The following GARRE1 variants were observed in gnomAD, a reference collection of about 807,000 sequenced individuals.
The protein encoded by GARRE1 is granule associated Rac and RHOG effector 1, also known as granule associated Rac and RHOG effector protein 1.
A neutral mutation model predicts 103.2 loss-of-function variants in GARRE1; 49 were observed. The observed-to-expected ratio is 0.47, with a 90% CI of 0.38 to 0.60. The LOEUF (loss-of-function observed/expected upper bound fraction) is 0.60. Among genes scored for constraint, GARRE1 ranks in the 20% least tolerant of loss-of-function variants. The probability of loss-of-function intolerance (pLI) is 0.00; values close to 1 mark genes in which losing one functional copy is unlikely to be tolerated. For synonymous variants in GARRE1, 505 were observed against 532.8 expected (o/e 0.95, Z 0.72); for missense variants, 1,199 against 1,370.5 (o/e 0.87, Z 1.98).
At chr19:34,326,266 C>T (rs1001287378) in intron 3 of GARRE1, among the ~76,000 whole-genome samples, 1 of 152,208 alleles carries the variant, frequency 6.6e-6, no homozygotes, top group African/African-American at 2.4e-5. Flanking sequence ...AGTCATTTTC[C>T]TGTAGTCTGC....
At chr19:34,260,460 CCTGATAATTTT>C (rs2073710435) in intron 1 of GARRE1, among the ~76,000 whole-genome samples, 1 of 152,116 alleles carries the variant, frequency 6.6e-6, no homozygotes, top group African/African-American at 2.4e-5. Context: ...AATATCTTTT[CCTGATAATTTT>C]GGCTATATAC....
intron 1 of GARRE1, among the ~76,000 whole-genome samples, chr19:34,293,331 A>G (rs1012015363): frequency 5.9e-5 from 9 of 152,100 alleles, no homozygotes; most frequent in Admixed American, 6.5e-5. Flanking sequence ...AGGGAAAAAA[A>G]GGAGTAAATA....
chr19:34,332,528 C>T (rs186574840), intron 7 of GARRE1, among the ~76,000 whole-genome samples: 8 of 151,824 alleles, frequency 5.3e-5, no homozygotes, highest in Admixed American at 5.2e-4. Flanking sequence ...TTGTAGGACA[C>T]ATTTCTGTGT....
intron 2 of GARRE1, among the ~76,000 whole-genome samples, chr19:34,308,492 C>T (rs1156626115): frequency 6.6e-6 from 1 of 152,090 alleles, no homozygotes; most frequent in Non-Finnish European, 1.5e-5. Flanking sequence ...CTGCTATTAC[C>T]TAAATTGTCT....
intron 8 of GARRE1, 91 bp from the exon 9 acceptor site, chr19:34,339,776 C>T: frequency 6.6e-7 from 1 of 1,516,696 alleles, no homozygotes; most frequent in Non-Finnish European, 9.1e-7. Context: ...GCCAGAGGTA[C>T]ATAAAAGTTG....
At chr19:34,254,639 A>G (rs1599740764) in intron 1 of GARRE1, 25 bp downstream of exon 1, 1 of 66,436 alleles carries the variant, frequency 1.5e-5, no homozygotes, top group South Asian at 5.1e-4. Flanking sequence ...CGGCGGGCGC[A>G]GGCGGGGGCT....
At chr19:34,256,939 T>C (rs904421365) in intron 1 of GARRE1, among the ~76,000 whole-genome samples, 7 of 152,210 alleles carry the variant, frequency 4.6e-5, no homozygotes, top group African/African-American at 1.7e-4. Flanking sequence ...TCATTTGCTT[T>C]CTTGCTGACA....
intron 11 of GARRE1, chr19:34,348,354 C>T (rs2074222249): frequency 1.7e-5 from 4 of 241,064 alleles, no homozygotes; most frequent in South Asian, 1.7e-4. Context: ...ATGTTTCACA[C>T]GGCCTTTATA....
chr19:34,321,030 C>T (rs1180778200), intron 3 of GARRE1, among the ~76,000 whole-genome samples: 5 of 145,320 alleles, frequency 3.4e-5, no homozygotes, highest in Non-Finnish European at 7.6e-5. Flanking sequence ...AGGCATTAGC[C>T]ACTGCACCCA....
intron 1 of GARRE1, among the ~76,000 whole-genome samples, chr19:34,287,830 G>A (rs1485990540): frequency 3.9e-5 from 6 of 152,142 alleles, no homozygotes; most frequent in Non-Finnish European, 7.3e-5. Flanking sequence ...CATTTATGAT[G>A]GCTGCACCCT....
In GARRE1 at chr19:34,340,369, C is replaced by T. The variant is rs187695308; in HGVS notation, c.1487+377C>T. Among the ~76,000 whole-genome samples the T allele has an allele frequency of 1.1e-4, 17 of 152,272 alleles. No individual in the cohort carries two copies. In the East Asian group the frequency reaches 2.7e-3, roughly 24 times the overall value. ...TTTTTTCTTTTTCAATCAGTTCTCT[C>T]AGGTTGAACTTGAGAAATGTGTATA... On this transcript the variant is annotated intron_variant, in intron 9 of 13. Transcript: ENST00000299505.
intron 3 of GARRE1, among the ~76,000 whole-genome samples, chr19:34,320,616 G>A (rs1388924075): frequency 6.6e-6 from 1 of 152,168 alleles, no homozygotes; most frequent in Admixed American, 6.5e-5. Flanking sequence ...CAGGGCGAGA[G>A]CTCAGTGGAC....
intron 2 of GARRE1, among the ~76,000 whole-genome samples, chr19:34,315,577 G>C (rs1001798904): frequency 6.6e-6 from 1 of 152,074 alleles, no homozygotes; most frequent in Non-Finnish European, 1.5e-5. Context: ...CTGGCGTGGT[G>C]GTGGGTGCCT....
At chr19:34,277,106 C>T (rs1298709433) in intron 1 of GARRE1, among the ~76,000 whole-genome samples, 4 of 151,898 alleles carry the variant, frequency 2.6e-5, no homozygotes, top group African/African-American at 9.7e-5. Flanking sequence ...GAGGCAGCAG[C>T]GTGTGTAAAG....
chr19:34,297,440 A>G (rs548380951), intron 1 of GARRE1, among the ~76,000 whole-genome samples: 1 of 152,320 alleles, frequency 6.6e-6, no homozygotes, highest in South Asian at 2.1e-4. Flanking sequence ...TTAATTAGGT[A>G]AGCATATAGG....
rs2074113965 is a variant in GARRE1, at chr19:34,326,797, G to GCCGGGTTTTCT, written c.706-624_706-623insCCGGGTTTTCT. ...AGTATATACACACATATATATGTGT[G>GCCGGGTTTTCT]TATATACATATATATATAACAAATA... On this transcript the variant is annotated intron_variant, in intron 3 of 13. Transcript: ENST00000299505. 5.9e-5 allele frequency among the ~76,000 whole-genome samples: 9 copies of GCCGGGTTTTCT among 151,544 alleles called. No homozygotes were observed. In the East Asian group the frequency reaches 1.6e-3, roughly 26 times the overall value.
At position 34,319,828 on chromosome 19, in the gene GARRE1, A is replaced by C. The variant is rs534184168; in HGVS notation, c.496-79A>C. ...TCCAGTTAACTATTGCTTCTATTCA[A>C]GTTGGTCATTGAAAATTTACTGCGC... On this transcript the variant is annotated intron_variant, in intron 2 of 13. Transcript: ENST00000299505. The C allele has an allele frequency of 5.1e-6, 6 of 1,170,392 alleles. No individual in the cohort carries two copies. In the Admixed American group the frequency reaches 5.1e-5, roughly 10 times the overall value. The allele number at this position is 1,170,392 out of a possible 1,614,324, so 72.5% of individuals were successfully genotyped here.
At chr19:34,289,741 AAG>A (rs1467756166) in intron 1 of GARRE1, among the ~76,000 whole-genome samples, 2 of 152,044 alleles carry the variant, frequency 1.3e-5, no homozygotes, top group Non-Finnish European at 2.9e-5. Context: ...AAATAAAAAA[AAG>A]TAAATATTAG....
intron 1 of GARRE1, among the ~76,000 whole-genome samples, chr19:34,272,089 G>A (rs2073791664): frequency 6.6e-6 from 1 of 152,194 alleles, no homozygotes; most frequent in African/African-American, 2.4e-5. Context: ...GGATTGAAAG[G>A]ACAGGCTAGA....
Sources: gnomAD v4.1 joint callset for allele counts (sites outside exome capture counted in the v4.1 genomes callset) on GRCh38, gnomAD v4.1.1 for gene constraint, MANE v1.5 for transcripts, NCBI Gene and HGNC (gene_info 2026-07-23, HGNC 2026-07-21) for gene names.